The following WDR72 variants were observed in gnomAD, a reference collection of about 807,000 sequenced individuals.
The protein encoded by WDR72 is WD repeat domain 72.
A neutral mutation model predicts 124.2 loss-of-function variants in WDR72; 120 were observed. The ratio of observed to expected loss-of-function variants is 0.97; its 90% CI spans 0.83 to 1.12. WDR72 has a LOEUF of 1.12. WDR72 is among the 50% of genes most tolerant of loss of function. The pLI is 0.00. For synonymous variants in WDR72, 452 were observed against 441.7 expected, an observed-to-expected ratio of 1.02 and a Z score of -0.29; for missense variants, 1,387 against 1,278.8, an observed-to-expected ratio of 1.08 and a Z score of -1.29.
chr15:53,583,247 A>G (rs749469339), intron 18 of WDR72, among the ~76,000 whole-genome samples: 3 of 152,062 alleles, frequency 2.0e-5, no homozygotes, highest in Non-Finnish European at 4.4e-5. Context: ...ATGAAAAAAG[A>G]AACAAAAAAG....
At chr15:53,562,373 T>C (rs1202761525) in intron 18 of WDR72, among the ~76,000 whole-genome samples, 5 of 151,820 alleles carry the variant, frequency 3.3e-5, no homozygotes, top group Admixed American at 1.3e-4. Flanking sequence ...GAATGAAAAG[T>C]GGACCTCAAA....
chr15:53,662,977 G>A (rs1442158038), intron 14 of WDR72, among the ~76,000 whole-genome samples: 1 of 151,700 alleles, frequency 6.6e-6, no homozygotes, highest in Non-Finnish European at 1.5e-5. Flanking sequence ...GCTGAGCTGA[G>A]AGAACTGCTT....
At chr15:53,586,242 G>C (rs1441783011) in intron 18 of WDR72, among the ~76,000 whole-genome samples, 1 of 151,994 alleles carries the variant, frequency 6.6e-6, no homozygotes, top group African/African-American at 2.4e-5. Context: ...GAGATACTAA[G>C]AGATATACCT....
intron 18 of WDR72, among the ~76,000 whole-genome samples, chr15:53,566,201 C>G (rs1894289017): frequency 6.6e-6 from 1 of 151,898 alleles, no homozygotes; most frequent in Non-Finnish European, 1.5e-5. Context: ...GAAACAGAGG[C>G]TCATAGTTAA....
At chr15:53,716,102 G>A (rs961922656) in intron 4 of WDR72, among the ~76,000 whole-genome samples, 5 of 152,080 alleles carry the variant, frequency 3.3e-5, no homozygotes, top group Admixed American at 3.3e-4. Flanking sequence ...CAGCACCATT[G>A]GAATCATGCA....
upstream of WDR72, among the ~76,000 whole-genome samples, chr15:53,761,928 T>C (rs1263302236): frequency 6.6e-6 from 1 of 152,098 alleles, no homozygotes; most frequent in Admixed American, 6.5e-5. Flanking sequence ...AATTCAACAT[T>C]GAAACCAGCA....
At chr15:53,534,810 A>C (rs1892667154) in intron 18 of WDR72, among the ~76,000 whole-genome samples, 1 of 152,122 alleles carries the variant, frequency 6.6e-6, no homozygotes, top group South Asian at 2.1e-4. Context: ...TGAATATTTA[A>C]ATAATTGTTG....
intron 1 of WDR72, among the ~76,000 whole-genome samples, chr15:53,750,719 C>A (rs769571663): frequency 6.6e-6 from 1 of 152,118 alleles, no homozygotes; most frequent in African/African-American, 2.4e-5. Flanking sequence ...TCAACATTAA[C>A]GGGAGTTGAG....
intron 14 of WDR72, among the ~76,000 whole-genome samples, chr15:53,632,937 G>C (rs993225041): frequency 1.3e-5 from 2 of 152,190 alleles, no homozygotes; most frequent in African/African-American, 4.8e-5. Flanking sequence ...ATAGGTGAAA[G>C]GGAAGAGCCT....
intron 13 of WDR72, among the ~76,000 whole-genome samples, chr15:53,671,974 G>A (rs1428479790): frequency 6.8e-6 from 1 of 147,022 alleles, no homozygotes; most frequent in East Asian, 2.0e-4. Flanking sequence ...ATGGGGAGAA[G>A]GGGAAAGAGG....
At chr15:53,688,130 G>A (rs2016707273) in intron 13 of WDR72, among the ~76,000 whole-genome samples, 1 of 150,252 alleles carries the variant, frequency 6.7e-6, no homozygotes, top group Non-Finnish European at 1.5e-5. Context: ...AAAACTGGAA[G>A]CATTCCCTTT....
chr15:53,706,168 T>C, intron 9 of WDR72, 94 bp from the exon 10 acceptor site: 2 of 1,314,332 alleles, frequency 1.5e-6, no homozygotes, highest in Non-Finnish European at 2.1e-6. Context: ...AATAACTGAA[T>C]AAATCTTTTC....
At chr15:53,539,693 G>A (rs1892967415) in intron 18 of WDR72, among the ~76,000 whole-genome samples, 1 of 150,456 alleles carries the variant, frequency 6.6e-6, no homozygotes, top group African/African-American at 2.4e-5. Flanking sequence ...CATACAGAAA[G>A]TGAGAGAGAA....
intron 2 of WDR72, among the ~76,000 whole-genome samples, chr15:53,729,826 T>C (rs575060745): frequency 6.6e-6 from 1 of 152,126 alleles, no homozygotes; most frequent in Admixed American, 6.6e-5. Context: ...TAACTAGCAC[T>C]GGTGAGGATA....
intron 17 of WDR72, among the ~76,000 whole-genome samples, chr15:53,609,116 AAATATATATGAC>A (rs2013419023): frequency 6.6e-6 from 1 of 152,144 alleles, no homozygotes; most frequent in Admixed American, 6.5e-5. Flanking sequence ...TATACCCCAT[AAATATATATGAC>A]CACTATGTGC....
chr15:53,600,874 T>G (rs1453410944), intron 17 of WDR72, among the ~76,000 whole-genome samples: 1 of 152,182 alleles, frequency 6.6e-6, no homozygotes, highest in Admixed American at 6.5e-5. Context: ...AAATTAGCAA[T>G]CCCCAAACTT....
intron 14 of WDR72, among the ~76,000 whole-genome samples, chr15:53,660,414 GAACT>G (rs1436524760): frequency 6.6e-6 from 1 of 151,956 alleles, no homozygotes; most frequent in East Asian, 1.9e-4. Flanking sequence ...AAATATAAAA[GAACT>G]AACTTTCATT....
At chr15:53,635,929 G>A (rs1031803627) in intron 14 of WDR72, among the ~76,000 whole-genome samples, 4 of 152,058 alleles carry the variant, frequency 2.6e-5, no homozygotes, top group African/African-American at 4.8e-5. Context: ...AGACAGCCTA[G>A]AAACCAAGTA....
At chr15:53,644,858 GACA>G (rs1049154928) in intron 14 of WDR72, among the ~76,000 whole-genome samples, 12 of 152,060 alleles carry the variant, frequency 7.9e-5, no homozygotes, top group African/African-American at 1.9e-4. Flanking sequence ...TTACAATAGA[GACA>G]ACATTACCAA....
Sources: gnomAD v4.1 joint callset for allele counts (sites outside exome capture counted in the v4.1 genomes callset) on GRCh38, gnomAD v4.1.1 for gene constraint, MANE v1.5 for transcripts, NCBI Gene and HGNC (gene_info 2026-07-23, HGNC 2026-07-21) for gene names.